The following RGSL1 variants were observed in gnomAD, a reference collection of about 807,000 sequenced individuals.
RGSL1 encodes regulator of G protein signaling protein-like.
A neutral mutation model predicts 124.7 loss-of-function variants in RGSL1; 97 were observed. The ratio of observed to expected loss-of-function variants is 0.78; its 90% CI spans 0.66 to 0.92. The LOEUF (loss-of-function observed/expected upper bound fraction) is 0.92. Ranked by LOEUF, RGSL1 falls within the 40% of genes least tolerant of loss-of-function variation. The pLI, the probability that RGSL1 is intolerant of heterozygous loss-of-function variation, is 0.00. For missense variants in RGSL1, 1,233 were observed against 1,288.4 expected, an observed-to-expected ratio of 0.96 and a Z score of 0.66; for synonymous variants, 424 against 438.1, an observed-to-expected ratio of 0.97 and a Z score of 0.40.
At chr1:182,533,481 G>A (rs904339786) in intron 14 of RGSL1, among the ~76,000 whole-genome samples, 10 of 138,052 alleles carry the variant, frequency 7.2e-5, no homozygotes. Context: ...CAGTTTGCCA[G>A]GTGATGGAGA....
intron 4 of RGSL1, chr1:182,471,389 G>C: frequency 2.2e-6 from 1 of 457,358 alleles, no homozygotes; most frequent in Non-Finnish European, 4.4e-6. Flanking sequence ...CAGTGCAGGT[G>C]GGTTCTTGGG....
chr1:182,509,759 TG>T (rs1380482913), intron 9 of RGSL1, among the ~76,000 whole-genome samples: 16 of 56,374 alleles, frequency 2.8e-4, no homozygotes, highest in African/African-American at 7.9e-4. Flanking sequence ...GCTGGCCGGG[TG>T]GGGGGGCTGA....
At position 182,520,498 on chromosome 1, in the gene RGSL1, A is replaced by G. The variant is rs1031327486; in HGVS notation, c.1826-1506A>G. On this transcript the variant is annotated intron_variant, in intron 9 of 21. Coordinates refer to ENST00000294854, the MANE Select transcript of RGSL1 (RefSeq NM_001137669.2). ...TTGTCTTGTGTCCCATTGTGACTTTAACACTGCAAATGCCTTTAGGGTGGC... is the reference window on the plus strand; with the variant it reads ...TTGTCTTGTGTCCCATTGTGACTTTGACACTGCAAATGCCTTTAGGGTGGC... 5.3e-5 allele frequency among the ~76,000 whole-genome samples: 8 copies of G among 152,326 alleles called. 1 individual carries two copies. Among genetic ancestry groups the G allele is most frequent in the African/African-American group, 1.9e-4 (8 of 41,580 alleles).
chr1:182,555,005 T>C (rs902894832), intron 20 of RGSL1: 15 of 327,314 alleles, frequency 4.6e-5, no homozygotes, highest in Non-Finnish European at 6.3e-5. Context: ...TTTTATAGAT[T>C]TAAGGAGTAC....
At chr1:182,551,244 A>C in intron 18 of RGSL1, 35 bp downstream of exon 18, 1 of 1,496,904 alleles carries the variant, frequency 6.7e-7, no homozygotes, top group Non-Finnish European at 9.1e-7. Context: ...CCCATTCTCC[A>C]GCAACCAAGA....
At chr1:182,547,011 A>C (rs1660252291) in intron 15 of RGSL1, among the ~76,000 whole-genome samples, 2 of 152,220 alleles carry the variant, frequency 1.3e-5, no homozygotes, top group Non-Finnish European at 2.9e-5. Context: ...CTGATAATTC[A>C]TGCATCAGTT....
rs1042995486 is a variant in RGSL1 at position 182,532,805 on chromosome 1, G to A, written c.2494+14G>A. On this transcript the variant is annotated intron_variant, in intron 14 of 21. Coordinates refer to ENST00000294854, the MANE Select transcript of RGSL1 (RefSeq NM_001137669.2). ...ATAGCAAGGAAAGTAAGTCATTTCT[G>A]TATTTACCCCCACTCCCTGTTGATA... The A allele has an allele frequency of 3.9e-6, 6 of 1,546,464 alleles. No homozygotes were observed. Among genetic ancestry groups the A allele is most frequent in the African/African-American group, 1.4e-5 (1 of 72,968 alleles).
chr1:182,449,316 T>C (rs772842885), upstream of RGSL1: 3 of 152,218 alleles, frequency 2.0e-5, no homozygotes, highest in Admixed American at 6.5e-5. Flanking sequence ...GATATTGTAT[T>C]GACGATTCAT....
chr1:182,493,015 T>C lies in RGSL1; in HGVS notation c.1718-7T>C. The C allele has an allele frequency of 1.3e-6, 2 of 1,533,000 alleles. No individual in the cohort carries two copies. The highest frequency in any genetic ancestry group is 1.8e-6 in the Non-Finnish European group (2 of 1,129,880). The allele number at this position is 1,533,000 out of a possible 1,614,324, so 95.0% of individuals were successfully genotyped here. A position where few individuals can be genotyped will look rare whatever the true frequency, so the allele number is the denominator to read the frequency against. On this transcript the variant is annotated splice_region_variant and splice_polypyrimidine_tract_variant and intron_variant, in intron 8 of 21. Coordinates refer to ENST00000294854, the MANE Select transcript of RGSL1 (RefSeq NM_001137669.2). ...AAACTCTATCTCTGTTTTTCCTTAC[T>C]TCACAGACATAACTAAAATGTCCTT...
chr1:182,486,886 G>C (rs1245113345), intron 6 of RGSL1, among the ~76,000 whole-genome samples: 3 of 151,978 alleles, frequency 2.0e-5, no homozygotes, highest in Non-Finnish European at 2.9e-5. Flanking sequence ...TGTTGGTCAG[G>C]CTGGTCTTGA....
At chr1:182,541,759 T>C (rs1319519151) in intron 15 of RGSL1, among the ~76,000 whole-genome samples, 2 of 152,162 alleles carry the variant, frequency 1.3e-5, no homozygotes, top group Non-Finnish European at 2.9e-5. Flanking sequence ...GTCTTTTTGA[T>C]AATAGCGACT....
chr1:182,552,652 A>C (rs2102334756), intron 18 of RGSL1, among the ~76,000 whole-genome samples: 1 of 152,338 alleles, frequency 6.6e-6, no homozygotes, highest in Non-Finnish European at 1.5e-5. Context: ...AAAACAAAAT[A>C]CCTCATATTG....
Position 182,450,195 on chromosome 1 carries a change from G to A in RGSL1, c.13+17G>A, listed in dbSNP as rs1651700766. On this transcript the variant is annotated intron_variant, in intron 1 of 21. Transcript: ENST00000294854. ...GCAGTGCTGGTGAGTCTCTGCCAGG[G>A]ATGTCTCCAAGGCCTTGAGTCTCTC... 1 of 1,552,006 alleles carries A rather than the reference G, an allele frequency of 6.4e-7. No homozygotes were observed. The highest frequency in any genetic ancestry group is 1.4e-5 in the African/African-American group (1 of 73,054).
At chr1:182,531,958 AGACTCAAAGTTTTTTATCC>A (rs1283234190) in intron 13 of RGSL1, among the ~76,000 whole-genome samples, 9 of 152,210 alleles carry the variant, frequency 5.9e-5, no homozygotes, top group African/African-American at 1.9e-4. Flanking sequence ...GCTAAGCTCC[AGACTCAAAGTTTTTTATCC>A]TAAATTCAGT....
chr1:182,479,122 T>G (rs964042371), intron 6 of RGSL1, among the ~76,000 whole-genome samples: 1 of 152,192 alleles, frequency 6.6e-6, no homozygotes, highest in African/African-American at 2.4e-5. Flanking sequence ...AATGAAAAGA[T>G]GCTAAATAAC....
In RGSL1 at chr1:182,540,436, TCTC is replaced by T. The variant is rs768759394; in HGVS notation, c.2669+18_2669+20del. ...GAAATGGAGAAGTAAGTTTTCCACTTCTCCTTCTTCTGCCCTGAAAATGACTTT... is the reference window on the plus strand; with the variant it reads ...GAAATGGAGAAGTAAGTTTTCCACTTCTTCTTCTGCCCTGAAAATGACTTT... On this transcript the variant is annotated intron_variant, in intron 15 of 21. Transcript: ENST00000294854. The T allele has an allele frequency of 1.5e-5, 23 of 1,546,038 alleles. No homozygotes were observed. The highest frequency in any genetic ancestry group is 3.4e-4 in the Middle Eastern group (2 of 5,968).
chr1:182,482,349 C>T (rs1345064478), intron 6 of RGSL1, among the ~76,000 whole-genome samples: 7 of 152,006 alleles, frequency 4.6e-5, no homozygotes, highest in Non-Finnish European at 1.0e-4. Flanking sequence ...ATTCTTGCCC[C>T]TCCTCATCAA....
At chr1:182,531,022 T>TAC in intron 13 of RGSL1, 112 bp downstream of exon 13, 1 of 1,249,574 alleles carries the variant, frequency 8.0e-7, no homozygotes, top group Non-Finnish European at 1.1e-6. Flanking sequence ...TCAGATAAAT[T>TAC]ACTATACTAG....
Position 182,473,765 on chromosome 1 carries a change from C to T in RGSL1, c.654C>T (p.Arg218=), listed in dbSNP as rs1172031550. The part of the protein sequence containing the change: ...CHGLMQEYET[R]LYSVCYTHIG... Reference sequence around the variant, plus strand: ...GTCTGATGCAAGAGTACGAGACTCGCTTATACAGCGTTTGCTACACCCACA... The same window carrying T: ...GTCTGATGCAAGAGTACGAGACTCGTTTATACAGCGTTTGCTACACCCACA... Residue 218 remains arginine (R), a synonymous_variant, in exon 6 of 22, where the codon CGC becomes CGT. Coordinates refer to ENST00000294854, the MANE Select transcript of RGSL1 (RefSeq NM_001137669.2). The T allele has an allele frequency of 3.2e-6, 5 of 1,551,608 alleles. No homozygotes were observed. The highest frequency in any genetic ancestry group is 4.4e-6 in the Non-Finnish European group (5 of 1,146,986).
Sources: gnomAD v4.1 joint callset for allele counts (sites outside exome capture counted in the v4.1 genomes callset) on GRCh38, gnomAD v4.1.1 for gene constraint, MANE v1.5 for transcripts, NCBI Gene and HGNC (gene_info 2026-07-23, HGNC 2026-07-21) for gene names.